KCNQ1: variants seen among roughly 807,000 people sequenced by gnomAD.
KCNQ1 encodes the protein potassium voltage-gated channel subfamily Q member 1, also known as potassium voltage-gated channel subfamily KQT member 1.
Under a neutral mutation model 72.4 loss-of-function variants are expected in KCNQ1, and 49 were observed. That is an observed-to-expected ratio of 0.68 (90% CI 0.54 to 0.86). KCNQ1 has a LOEUF of 0.86. Ranked by LOEUF, KCNQ1 falls within the 40% of genes least tolerant of loss-of-function variation. The probability of loss-of-function intolerance (pLI) is 0.00; values close to 1 mark genes in which losing one functional copy is unlikely to be tolerated. For missense variants in KCNQ1, 790 were observed against 945.1 expected (o/e 0.84, Z 2.15); for synonymous variants, 450 against 412.6 (o/e 1.09, Z -1.10).
intron 15 of KCNQ1, among the ~76,000 whole-genome samples, chr11:2,791,804 G>A (rs1183668693): frequency 6.7e-6 from 1 of 150,152 alleles, no homozygotes; most frequent in Non-Finnish European, 1.5e-5. Flanking sequence ...CGCTCCGGGC[G>A]GTGGGACCGG....
intron 15 of KCNQ1, among the ~76,000 whole-genome samples, chr11:2,845,225 T>C (rs936941349): frequency 6.9e-6 from 1 of 144,326 alleles, no homozygotes; most frequent in African/African-American, 2.5e-5. Flanking sequence ...CACCCTGCCC[T>C]CTGCTTTCGC....
At chr11:2,552,511 A>T (rs1424149979) in intron 2 of KCNQ1, among the ~76,000 whole-genome samples, 2 of 151,998 alleles carry the variant, frequency 1.3e-5, no homozygotes, top group African/African-American at 4.8e-5. Flanking sequence ...AATTTTGTTC[A>T]TTTTCAAGAG....
chr11:2,615,356 T>A, intron 10 of KCNQ1: 2 of 398,116 alleles, frequency 5.0e-6, no homozygotes, highest in Non-Finnish European at 4.4e-6. Flanking sequence ...GTTTTACTGC[T>A]TCCTTTCCAA....
At position 2,445,306 on chromosome 11, in the gene KCNQ1, C is replaced by A. The variant is rs794728548; in HGVS notation, c.208C>A (p.Pro70Thr). The change falls in exon 1 of 16, where the codon CCC becomes ACC. Residue 70 changes from proline to threonine, a missense_variant. Coordinates refer to ENST00000155840, the MANE Select transcript of KCNQ1 (RefSeq NM_000218.3). ...GPAPPASPAA[P>T]AAPPVASDLG... ...CGCGCCCCCTGCGTCCCCGGCCGCGCCCGCCGCGCCCCCAGTTGCCTCCGA... is the reference window on the plus strand; with the variant it reads ...CGCGCCCCCTGCGTCCCCGGCCGCGACCGCCGCGCCCCCAGTTGCCTCCGA... The A allele has an allele frequency of 6.9e-7, 1 of 1,446,722 alleles. No homozygotes were observed. Among genetic ancestry groups the A allele is most frequent in the Non-Finnish European group, 9.1e-7 (1 of 1,104,452 alleles). The allele number at this position is 1,446,722 out of a possible 1,614,324, so 89.6% of individuals were successfully genotyped here.
intron 15 of KCNQ1, among the ~76,000 whole-genome samples, chr11:2,779,959 G>T (rs1463569839): frequency 1.3e-5 from 2 of 152,260 alleles, no homozygotes; most frequent in Non-Finnish European, 2.9e-5. Flanking sequence ...CAAGGCTGGG[G>T]CCACATCCTG....
At position 2,848,737 on chromosome 11, in the gene KCNQ1, G is replaced by C. The variant is rs979372434; in HGVS notation, c.*734G>C. ...TCCGCCCCTGAGCCCACTGTGCGTG[G>C]GGCTCCCGCCTCCAACCCCTCGCCC... is the stretch of plus-strand genomic sequence containing the variant. On this transcript the variant is annotated 3_prime_UTR_variant, in exon 16 of 16. Coordinates refer to ENST00000155840, the MANE Select transcript of KCNQ1 (RefSeq NM_000218.3). 2.2e-6 allele frequency: 1 copy of C among 453,788 alleles called. No homozygotes were observed. Among genetic ancestry groups the C allele is most frequent in the Non-Finnish European group, 4.4e-6 (1 of 226,652 alleles). The allele number at this position is 453,788 out of a possible 1,614,324, so 28.1% of individuals were successfully genotyped here.
chr11:2,582,219 G>A (rs915734606), intron 6 of KCNQ1, among the ~76,000 whole-genome samples: 3 of 152,212 alleles, frequency 2.0e-5, no homozygotes, highest in Non-Finnish European at 4.4e-5. Flanking sequence ...GTGTGCACCT[G>A]CCTCTCTGTC....
chr11:2,545,324 G>A (rs529845837), intron 2 of KCNQ1, among the ~76,000 whole-genome samples: 284 of 152,298 alleles, frequency 1.9e-3, no homozygotes, highest in African/African-American at 6.6e-3. Context: ...CCCTTTTAGA[G>A]GTGGAGTTTG....
Position 2,611,500 on chromosome 11 carries a change from C to G in KCNQ1, c.1393+22646C>G, listed in dbSNP as rs146407692. 0.011 allele frequency: 4,201 copies of G among 398,404 alleles called. 40 individuals are homozygous for G. The highest frequency in any genetic ancestry group is 0.016 in the Non-Finnish European group (3,631 of 226,082). The allele number at this position is 398,404 out of a possible 1,614,324, so 24.7% of individuals were successfully genotyped here. On this transcript the variant is annotated intron_variant, in intron 10 of 15. Coordinates refer to ENST00000155840, the MANE Select transcript of KCNQ1 (RefSeq NM_000218.3). The surrounding 1 kb of genome is among the most constrained non-coding windows in gnomAD (Gnocchi z 5.3). ...ATGCTGGGATTACAGGTGTGAGCCA[C>G]TGCACCCAGCCAATTTTGTCTGATT...
In KCNQ1 at chr11:2,595,391, C is replaced by G. The variant is rs1185001202; in HGVS notation, c.1393+6537C>G. Among the ~76,000 whole-genome samples the G allele has an allele frequency of 6.6e-6, 1 of 152,146 alleles. No homozygotes were observed. Among genetic ancestry groups the G allele is most frequent in the Admixed American group, 6.5e-5 (1 of 15,276 alleles). On this transcript the variant is annotated intron_variant, in intron 10 of 15. Coordinates refer to ENST00000155840, the MANE Select transcript of KCNQ1 (RefSeq NM_000218.3). The surrounding 1 kb of genome is among the most constrained non-coding windows in gnomAD (Gnocchi z 5.0). ...TACAGGCGTGTCTCATTCTTATTGA[C>G]TGCACTTTGCTGATAATGCATTTTT...
chr11:2,466,003 C>G (rs972006262), intron 1 of KCNQ1, among the ~76,000 whole-genome samples: 7 of 152,236 alleles, frequency 4.6e-5, no homozygotes, highest in African/African-American at 1.7e-4. Flanking sequence ...CTCCCAGGGG[C>G]CCGCCCTTCA....
chr11:2,775,872 C>T (rs886539470), intron 12 of KCNQ1, 88 bp from the exon 13 acceptor site: 13 of 1,321,694 alleles, frequency 9.8e-6, no homozygotes, highest in African/African-American at 4.4e-5. Flanking sequence ...ACAAGCCTCC[C>T]GAGGGCAGAC....
At chr11:2,756,310 C>T (rs1047048136) in intron 11 of KCNQ1, among the ~76,000 whole-genome samples, 2 of 151,940 alleles carry the variant, frequency 1.3e-5, no homozygotes, top group Non-Finnish European at 2.9e-5. Context: ...CATGGAATGC[C>T]CATACAAAAG....
intron 11 of KCNQ1, chr11:2,665,756 G>A (rs1206601497): frequency 1.3e-5 from 5 of 398,434 alleles, no homozygotes; most frequent in Non-Finnish European, 2.2e-5. Context: ...CAGGCATGGA[G>A]AAGCCCTAGG....
In KCNQ1 at chr11:2,550,616, G is replaced by A. The variant is rs1008053891; in HGVS notation, c.478-20012G>A. Among the ~76,000 whole-genome samples the A allele has an allele frequency of 6.6e-5, 10 of 152,270 alleles. No individual in the cohort carries two copies. Among genetic ancestry groups the A allele is most frequent in the Admixed American group, 1.3e-4 (2 of 15,308 alleles). On this transcript the variant is annotated intron_variant, in intron 2 of 15. Coordinates refer to ENST00000155840, the MANE Select transcript of KCNQ1 (RefSeq NM_000218.3). This position sits in a 1 kb window ranked among gnomAD's most constrained non-coding sequence, Gnocchi z 6.0. ...GAGCTGAGTGACCGGAAGAGGGGGC[G>A]CCTCCCTGAGCAGGTGAATGAAGGG...
chr11:2,676,242 T>A lies in KCNQ1; in HGVS notation c.1514+14161T>A, dbSNP rs1379403655. 7.5e-6 allele frequency: 3 copies of A among 398,550 alleles called. No individual in the cohort carries two copies. Among genetic ancestry groups the A allele is most frequent in the Non-Finnish European group, 1.3e-5 (3 of 226,074 alleles). The allele number at this position is 398,550 out of a possible 1,614,324, so 24.7% of individuals were successfully genotyped here. A position where few individuals can be genotyped will look rare whatever the true frequency, so the allele number is the denominator to read the frequency against. Reference sequence around the variant, plus strand: ...ACAATGCTGATTTATTATGGTGCAGTACATCTGAGAAGCATTTTTATTGCA... The same window carrying A: ...ACAATGCTGATTTATTATGGTGCAGAACATCTGAGAAGCATTTTTATTGCA... On this transcript the variant is annotated intron_variant, in intron 11 of 15. Transcript: ENST00000155840. This position sits in a 1 kb window ranked among gnomAD's most constrained non-coding sequence, Gnocchi z 4.2.
intron 11 of KCNQ1, chr11:2,675,756 C>T (rs1469606092): frequency 2.5e-6 from 1 of 398,582 alleles, no homozygotes; most frequent in Non-Finnish European, 4.4e-6. Context: ...GAACCAGAGA[C>T]TCACAGCACT....
rs1051891310 is a variant in KCNQ1 at position 2,549,106 on chromosome 11, G to A, written c.477+21088G>A. ...CTTCCACCCAAGGGAGAGTGGCTGG[G>A]TGGAGAGGGGGCAGGCTGAGATCTG... is the stretch of plus-strand genomic sequence containing the variant. On this transcript the variant is annotated intron_variant, in intron 2 of 15. Transcript: ENST00000155840. This position sits in a 1 kb window ranked among gnomAD's most constrained non-coding sequence, Gnocchi z 6.2. Among the ~76,000 whole-genome samples the A allele has an allele frequency of 2.0e-5, 3 of 152,174 alleles. No individual in the cohort carries two copies. The highest frequency in any genetic ancestry group is 4.4e-5 in the Non-Finnish European group (3 of 68,032).
chr11:2,727,581 C>T (rs769403873), intron 11 of KCNQ1, among the ~76,000 whole-genome samples: 1 of 152,202 alleles, frequency 6.6e-6, no homozygotes, highest in Non-Finnish European at 1.5e-5. Flanking sequence ...CGGCAGGGAG[C>T]AGGAGCAGAC....
Sources: allele counts gnomAD v4.1 joint callset (sites outside exome capture counted in the v4.1 genomes callset), GRCh38; gene constraint gnomAD v4.1.1; non-coding constraint Gnocchi (gnomAD v3.1); transcripts MANE v1.5; gene names NCBI Gene and HGNC (gene_info 2026-07-23, HGNC 2026-07-21).